PHF11: variants seen among roughly 807,000 people sequenced by gnomAD.
The protein encoded by PHF11 is BRCA1 C-terminus-associated protein.
PHF11 carries 38 observed loss-of-function variants against 40.5 expected under a neutral mutation model. The observed-to-expected ratio is 0.94, with a 90% CI of 0.72 to 1.23. The LOEUF (loss-of-function observed/expected upper bound fraction) is 1.23, where lower values mean the gene tolerates loss of function less well. Ranked by LOEUF, PHF11 falls within the 50% of genes most tolerant of loss-of-function variation. The pLI is 0.00. For missense variants in PHF11, 369 were observed against 392.4 expected, an observed-to-expected ratio of 0.94 and a Z score of 0.50; for synonymous variants, 127 against 138.2, an observed-to-expected ratio of 0.92 and a Z score of 0.57.
chr13:49,503,823 C>A (rs915619178), intron 1 of PHF11, among the ~76,000 whole-genome samples: 1 of 152,100 alleles, frequency 6.6e-6, no homozygotes, highest in Non-Finnish European at 1.5e-5. Flanking sequence ...GCCTCTGCCT[C>A]CTGGGTGCAA....
intron 1 of PHF11, among the ~76,000 whole-genome samples, chr13:49,498,705 T>C (rs1224856207): frequency 6.6e-6 from 1 of 152,162 alleles, no homozygotes; most frequent in Non-Finnish European, 1.5e-5. Flanking sequence ...AGTGGGATCA[T>C]GACAGGGAAA....
At chr13:49,526,168 C>CAA (rs10573458) in intron 8 of PHF11, 469 of 340,752 alleles carry the variant, frequency 1.4e-3, no homozygotes, top group South Asian at 3.2e-3. Flanking sequence ...GATTCTGTCT[C>CAA]AAAAAAAAAA....
chr13:49,523,507 A>C, intron 7 of PHF11: 3 of 463,158 alleles, frequency 6.5e-6, no homozygotes, highest in Non-Finnish European at 1.1e-5. Context: ...GCCTGAGCTC[A>C]GAATCCAGCA....
intron 4 of PHF11, 37 bp downstream of exon 4, chr13:49,518,188 G>T: frequency 6.8e-7 from 1 of 1,459,994 alleles, no homozygotes; most frequent in Admixed American, 1.9e-5. Flanking sequence ...ACATTTGGGG[G>T]ATTGGGATAA....
At position 49,528,514 on chromosome 13, in the gene PHF11, T is replaced by A. The variant is rs746834586; in HGVS notation, c.845T>A (p.Ile282Lys). The change falls in exon 10 of 10, where the codon ATA becomes AAA. Residue 282 changes from isoleucine (I) to lysine (K), a missense_variant. Ile to Lys is a moderately radical substitution (Grantham distance 102). Transcript: ENST00000378319. ...EDTFVNFQAA[I>K]EKKIHASQQR... ...ATTTTATTTCTTCTTTTCATAGCAA[T>A]AGAGAAAAAAATTCATGCATCTCAA... 2 of 1,589,192 alleles carry A rather than the reference T, an allele frequency of 1.3e-6. No homozygotes were observed. The highest frequency in any genetic ancestry group is 1.7e-6 in the Non-Finnish European group (2 of 1,167,620).
At chr13:49,497,315 T>C in intron 1 of PHF11, 1 of 647,588 alleles carries the variant, frequency 1.5e-6, no homozygotes, top group Non-Finnish European at 2.5e-6. Context: ...TCAAACTGAG[T>C]ATGTCCCAAA....
intron 1 of PHF11, among the ~76,000 whole-genome samples, chr13:49,497,918 T>C (rs1958839057): frequency 6.6e-6 from 1 of 152,198 alleles, no homozygotes; most frequent in African/African-American, 2.4e-5. Flanking sequence ...CCCATCATAT[T>C]CAGGTGTCTG....
intron 4 of PHF11, 108 bp from the exon 5 acceptor site, chr13:49,520,786 C>G (rs531676386): frequency 1.4e-6 from 1 of 707,256 alleles, no homozygotes; most frequent in Admixed American, 3.3e-5. Context: ...TTTAGTGTGA[C>G]GCCGTCATGA....
intron 1 of PHF11, among the ~76,000 whole-genome samples, chr13:49,503,455 C>T (rs953643734): frequency 1.3e-5 from 2 of 152,334 alleles, no homozygotes; most frequent in Admixed American, 1.3e-4. Context: ...TTCTTGCAGA[C>T]ACCAGTTCTA....
intron 9 of PHF11, among the ~76,000 whole-genome samples, chr13:49,527,034 G>A (rs545000314): frequency 2.7e-5 from 4 of 147,948 alleles, no homozygotes; most frequent in African/African-American, 1.0e-4. Context: ...GGAGGGTTAC[G>A]ACTGATTTAA....
Position 49,505,046 on chromosome 13 carries a change from C to T in PHF11, c.95-1589C>T, listed in dbSNP as rs556119195. ...CTCGTTAAGAGTCATCACCACTCCCCAATCTCAAGTACCCAGGGACACAAA... is the reference window on the plus strand; with the variant it reads ...CTCGTTAAGAGTCATCACCACTCCCTAATCTCAAGTACCCAGGGACACAAA... On this transcript the variant is annotated intron_variant, in intron 1 of 9. Transcript: ENST00000378319. 2.9e-4 allele frequency among the ~76,000 whole-genome samples: 43 copies of T among 150,244 alleles called. 1 individual carries two copies. The highest frequency in any genetic ancestry group is 3.4e-3 in the Middle Eastern group (1 of 292).
At chr13:49,514,800 A>G (rs1050838338) in intron 3 of PHF11, among the ~76,000 whole-genome samples, 10 of 151,462 alleles carry the variant, frequency 6.6e-5, no homozygotes, top group African/African-American at 2.4e-4. Context: ...CCTGCTCTCA[A>G]TGTCTATGCT....
At chr13:49,501,106 C>CA (rs768347196) in intron 1 of PHF11, among the ~76,000 whole-genome samples, 4 of 151,026 alleles carry the variant, frequency 2.6e-5, no homozygotes, top group Non-Finnish European at 5.9e-5. Flanking sequence ...CTCCACCTCC[C>CA]AGATTCAAGC....
chr13:49,517,842 T>G (rs917208656), intron 3 of PHF11, among the ~76,000 whole-genome samples, 176 bp from the exon 4 acceptor site: 7 of 152,202 alleles, frequency 4.6e-5, no homozygotes, highest in African/African-American at 1.7e-4. Flanking sequence ...AATTCCCAAA[T>G]GAGCAGCCAA....
intron 2 of PHF11, among the ~76,000 whole-genome samples, chr13:49,512,036 C>A (rs1295970909): frequency 6.6e-6 from 1 of 152,150 alleles, no homozygotes; most frequent in Admixed American, 6.5e-5. Context: ...GTAAGAATTT[C>A]ATTTGCTCCA....
intron 1 of PHF11, among the ~76,000 whole-genome samples, chr13:49,505,889 T>G (rs904163149): frequency 2.0e-5 from 3 of 152,240 alleles, no homozygotes; most frequent in African/African-American, 7.2e-5. Flanking sequence ...TGTCTTTAAT[T>G]CTCATAGAAT....
rs760305458 is a variant in PHF11 at position 49,523,160 on chromosome 13, G to C, written c.571-15G>C. On this transcript the variant is annotated splice_polypyrimidine_tract_variant and intron_variant, in intron 6 of 9. Transcript: ENST00000378319. ...ATTAAAATCAATGTAATGCAATCTT[G>C]ATTTTCTCTCCTAGCCACCCGAAAC... 4.5e-6 allele frequency: 7 copies of C among 1,568,376 alleles called. No homozygotes were observed. In the East Asian group the frequency reaches 1.6e-4, roughly 35 times the overall value.
At chr13:49,517,226 G>C (rs1959165489) in intron 3 of PHF11, among the ~76,000 whole-genome samples, 1 of 151,984 alleles carries the variant, frequency 6.6e-6, no homozygotes, top group African/African-American at 2.4e-5. Flanking sequence ...ATGCTTGCTT[G>C]TGCCGACCCT....
At chr13:49,505,751 T>A (rs958639853) in intron 1 of PHF11, among the ~76,000 whole-genome samples, 2 of 152,152 alleles carry the variant, frequency 1.3e-5, no homozygotes, top group Non-Finnish European at 2.9e-5. Flanking sequence ...TTCCTACCTC[T>A]TCTTCCCTTA....
Sources: allele counts gnomAD v4.1 joint callset (sites outside exome capture counted in the v4.1 genomes callset), GRCh38; gene constraint gnomAD v4.1.1; transcripts MANE v1.5; gene names NCBI Gene and HGNC (gene_info 2026-07-23, HGNC 2026-07-21).